Variants in TMEM178A observed in about 807,000 individuals in gnomAD.
TMEM178A encodes the protein transmembrane protein 178.
Under a neutral mutation model 29.1 loss-of-function variants are expected in TMEM178A, and 12 were observed. The observed-to-expected ratio is 0.41, with a 90% confidence interval of 0.26 to 0.67. The LOEUF (loss-of-function observed/expected upper bound fraction) is 0.67. Among genes scored for constraint, TMEM178A ranks in the 30% least tolerant of loss-of-function variants. The probability of loss-of-function intolerance (pLI) is 0.29; values close to 1 mark genes in which losing one functional copy is unlikely to be tolerated. For synonymous variants in TMEM178A, 210 were observed against 187.2 expected (o/e 1.12, Z -0.99); for missense variants, 366 against 419.1 (o/e 0.87, Z 1.11).
intron 3 of TMEM178A, among the ~76,000 whole-genome samples, chr2:39,716,617 G>C (rs1394904588): frequency 6.6e-6 from 1 of 152,212 alleles, no homozygotes; most frequent in Non-Finnish European, 1.5e-5. Flanking sequence ...ATTAGGTGGA[G>C]AGCGAAGGAA....
the TMEM178A span, among the ~76,000 whole-genome samples, chr2:39,727,303 G>C: frequency 1.3e-5 from 2 of 152,156 alleles, no homozygotes; most frequent in African/African-American, 2.4e-5. Flanking sequence ...CTGCCTGGTA[G>C]CTAAGTAAAT....
chr2:39,682,782 C>T (rs1670922113), intron 1 of TMEM178A, among the ~76,000 whole-genome samples: 1 of 152,130 alleles, frequency 6.6e-6, no homozygotes, highest in Non-Finnish European at 1.5e-5. Context: ...AGGATGAAAG[C>T]AGGGCAAGAA....
At chr2:39,733,131 T>C in the TMEM178A span, among the ~76,000 whole-genome samples, 1 of 152,210 alleles carries the variant, frequency 6.6e-6, no homozygotes, top group Non-Finnish European at 1.5e-5. Context: ...CCGGATGGTT[T>C]GTCACTGAGA....
downstream of TMEM178A, among the ~76,000 whole-genome samples, chr2:39,719,444 C>T (rs1230932096): frequency 6.6e-6 from 1 of 152,160 alleles, no homozygotes; most frequent in Non-Finnish European, 1.5e-5. Context: ...AGGATTCAAA[C>T]GAGTGCTGGC....
intron 1 of TMEM178A, among the ~76,000 whole-genome samples, chr2:39,669,963 G>C (rs1319939615): frequency 1.3e-5 from 2 of 152,234 alleles, no homozygotes; most frequent in African/African-American, 2.4e-5. Context: ...TTTTGTGTTT[G>C]AGTTGGTCAG....
chr2:39,699,675 C>G (rs977347142), intron 1 of TMEM178A, among the ~76,000 whole-genome samples: 2 of 151,938 alleles, frequency 1.3e-5, no homozygotes, highest in Admixed American at 6.6e-5. Context: ...CAGGCTGGTC[C>G]TCAACTCCTG....
At chr2:39,721,388 A>C (rs534835315), downstream of TMEM178A, among the ~76,000 whole-genome samples, 5 of 152,328 alleles carry the variant, frequency 3.3e-5, no homozygotes, top group African/African-American at 1.2e-4. Context: ...CTGGCTATAA[A>C]AGAAGATAGC....
the TMEM178A span, among the ~76,000 whole-genome samples, chr2:39,733,310 T>C: frequency 1.3e-5 from 2 of 152,316 alleles, no homozygotes; most frequent in African/African-American, 2.4e-5. Context: ...CATGTGGAAA[T>C]TGGGTTGGTT....
chr2:39,707,041 G>T lies in TMEM178A; in HGVS notation c.515-8G>T. 1 of 1,597,286 alleles carries T rather than the reference G, an allele frequency of 6.3e-7. No individual in the cohort carries two copies. Among genetic ancestry groups the T allele is most frequent in the South Asian group, 1.1e-5 (1 of 87,628 alleles). On this transcript the variant is annotated splice_region_variant and splice_polypyrimidine_tract_variant and intron_variant, in intron 2 of 3. Transcript: ENST00000281961. ...GATTGTGAATGTCTGTGTCTGTTTT[G>T]AGATTAGATTTAAGAAGAATCACTG...
chr2:39,695,064 C>T (rs1215249893), intron 1 of TMEM178A, among the ~76,000 whole-genome samples: 1 of 152,182 alleles, frequency 6.6e-6, no homozygotes, highest in Non-Finnish European at 1.5e-5. Flanking sequence ...GCATTTTTGT[C>T]TGTCTGCTTT....
At chr2:39,709,453 G>T (rs1672207273) in intron 3 of TMEM178A, among the ~76,000 whole-genome samples, 1 of 152,192 alleles carries the variant, frequency 6.6e-6, no homozygotes, top group South Asian at 2.1e-4. Flanking sequence ...GCACAGGGAG[G>T]CTAAAATGTT....
intron 1 of TMEM178A, among the ~76,000 whole-genome samples, chr2:39,666,961 C>T (rs1377738561): frequency 1.3e-5 from 2 of 152,200 alleles, no homozygotes; most frequent in East Asian, 1.9e-4. Flanking sequence ...AAGGAGGCCC[C>T]GGAACCTTCC....
Position 39,676,188 on chromosome 2 carries a change from T to C in TMEM178A, c.400+9814T>C, listed in dbSNP as rs531829040. 3.3e-5 allele frequency among the ~76,000 whole-genome samples: 5 copies of C among 152,370 alleles called. No homozygotes were observed. The East Asian group carries it at 9.6e-4, about 29-fold the overall frequency. ...GCTTGATAAACATTTATCCACTCAC[T>C]TGGGTGGGCCTTTAAGTGCCAAATA... On this transcript the variant is annotated intron_variant, in intron 1 of 3. Coordinates refer to ENST00000281961, the MANE Select transcript of TMEM178A (RefSeq NM_152390.3).
chr2:39,675,425 A>T (rs1409701366), intron 1 of TMEM178A, among the ~76,000 whole-genome samples: 1 of 152,156 alleles, frequency 6.6e-6, no homozygotes, highest in Non-Finnish European at 1.5e-5. Context: ...GCAGTTTTGT[A>T]TGCCATACAA....
At chr2:39,668,682 G>A (rs1033998009) in intron 1 of TMEM178A, among the ~76,000 whole-genome samples, 1 of 152,204 alleles carries the variant, frequency 6.6e-6, no homozygotes, top group Admixed American at 6.5e-5. Flanking sequence ...AACAGGCATT[G>A]GTAGATTATA....
At chr2:39,685,673 A>G (rs1395567810) in intron 1 of TMEM178A, among the ~76,000 whole-genome samples, 1 of 152,222 alleles carries the variant, frequency 6.6e-6, no homozygotes, top group East Asian at 1.9e-4. Flanking sequence ...ATGCATAAGA[A>G]GTGCCTGGTC....
the TMEM178A span, among the ~76,000 whole-genome samples, chr2:39,732,137 A>T: frequency 2.0e-5 from 3 of 152,132 alleles, no homozygotes; most frequent in Non-Finnish European, 4.4e-5. Flanking sequence ...AAAGTGTATA[A>T]TGTGGACTAC....
chr2:39,720,551 C>T (rs1672683227), downstream of TMEM178A, among the ~76,000 whole-genome samples: 1 of 152,200 alleles, frequency 6.6e-6, no homozygotes. Context: ...AAACATGCTG[C>T]ATTGCTTCAA....
intron 1 of TMEM178A, among the ~76,000 whole-genome samples, chr2:39,696,090 C>A (rs979580152): frequency 6.6e-6 from 1 of 152,094 alleles, no homozygotes. Flanking sequence ...TGATGGGCAA[C>A]TGAGACTCCA....
Sources: gnomAD v4.1 joint callset for allele counts (sites outside exome capture counted in the v4.1 genomes callset) on GRCh38, gnomAD v4.1.1 for gene constraint, MANE v1.5 for transcripts, NCBI Gene and HGNC (gene_info 2026-07-23, HGNC 2026-07-21) for gene names.